Variants in CLIC5 observed in about 807,000 individuals in gnomAD.
CLIC5 encodes the protein CLIC family member 5, also known as chloride intracellular channel protein 5.
A neutral mutation model predicts 24.7 loss-of-function variants in CLIC5; 20 were observed. The observed-to-expected ratio is 0.81, with a 90% CI of 0.57 to 1.18. CLIC5 has a LOEUF of 1.18. CLIC5 is among the 50% of genes most tolerant of loss of function. CLIC5 has a pLI of 0.00. For missense variants in CLIC5, 341 were observed against 326.1 expected (o/e 1.05, Z -0.35); for synonymous variants, 159 against 135.6 (o/e 1.17, Z -1.20).
At chr6:46,001,192 T>C (rs955407914) in intron 1 of CLIC5, among the ~76,000 whole-genome samples, 3 of 152,118 alleles carry the variant, frequency 2.0e-5, no homozygotes, top group Admixed American at 6.5e-5. Context: ...GTCCATGGTT[T>C]TTCTCCAGCA....
rs150741447 is a variant in CLIC5 at position 46,011,644 on chromosome 6, G to A, written c.63+3836C>T. Among the ~76,000 whole-genome samples the A allele has an allele frequency of 1.1e-3, 163 of 152,342 alleles. 1 individual carries two copies. Among genetic ancestry groups the A allele is most frequent in the African/African-American group, 3.6e-3 (149 of 41,584 alleles). Reference sequence around the variant, plus strand: ...GTCTGTATCATTAGTCACTTCTGGGGTCCAGGGGTGAGACTGGGAGTGGAG... The same window carrying A: ...GTCTGTATCATTAGTCACTTCTGGGATCCAGGGGTGAGACTGGGAGTGGAG... On this transcript the variant is annotated intron_variant, in intron 1 of 5. Coordinates refer to ENST00000339561, the MANE Select transcript of CLIC5 (RefSeq NM_016929.5).
intron 4 of CLIC5, among the ~76,000 whole-genome samples, chr6:45,915,226 C>T (rs941466026): frequency 1.3e-5 from 2 of 151,986 alleles, no homozygotes; most frequent in South Asian, 2.1e-4. Flanking sequence ...CCATGCCTGG[C>T]CAATACTAGC....
chr6:46,075,128 T>C (rs1762731354), intron 1 of CLIC5, among the ~76,000 whole-genome samples: 1 of 152,240 alleles, frequency 6.6e-6, no homozygotes, highest in Non-Finnish European at 1.5e-5. Flanking sequence ...AAGCATTATC[T>C]TATTTAATCT....
At chr6:46,022,778 G>C (rs909155121) in intron 1 of CLIC5, among the ~76,000 whole-genome samples, 8 of 152,136 alleles carry the variant, frequency 5.3e-5, no homozygotes, top group African/African-American at 1.9e-4. Context: ...CCTTCAACCA[G>C]TGTTTTCGGG....
Position 45,986,767 on chromosome 6 carries a change from G to GCTAA in CLIC5, c.63+28712_63+28713insTTAG, listed in dbSNP as rs935882530. The stretch of plus-strand genomic sequence containing the variant: ...ATTCACTGGGTGGAGACCCTGGTAA[G>GCTAA]GATACAATCTCCCCTGCATTCCACA... On this transcript the variant is annotated intron_variant, in intron 1 of 5. Coordinates refer to ENST00000339561, the MANE Select transcript of CLIC5 (RefSeq NM_016929.5). Among the ~76,000 whole-genome samples, 3 of 113,824 alleles carry GCTAA rather than the reference G, an allele frequency of 2.6e-5. No individual in the cohort carries two copies. In the East Asian group the frequency reaches 1.3e-3, roughly 51 times the overall value. The allele number at this position is 113,824 out of a possible 152,430, so 74.7% of individuals were successfully genotyped here. A position where few individuals can be genotyped will look rare whatever the true frequency, so the allele number is the denominator to read the frequency against.
chr6:45,940,098 G>T (rs1764079333), intron 4 of CLIC5, among the ~76,000 whole-genome samples: 1 of 152,026 alleles, frequency 6.6e-6, no homozygotes, highest in Admixed American at 6.5e-5. Flanking sequence ...TCCAGTCTCT[G>T]TCCCTGACTT....
chr6:46,118,059 C>T, the CLIC5 span, among the ~76,000 whole-genome samples: 1 of 152,192 alleles, frequency 6.6e-6, no homozygotes, highest in South Asian at 2.1e-4. Flanking sequence ...ACATTTGAAG[C>T]TCCAGTGCCA....
the CLIC5 span, among the ~76,000 whole-genome samples, chr6:46,095,083 C>T: frequency 6.6e-6 from 1 of 152,204 alleles, no homozygotes; most frequent in Non-Finnish European, 1.5e-5. Context: ...CCCCTTTAAG[C>T]CACGGCTGGG....
intron 4 of CLIC5, among the ~76,000 whole-genome samples, chr6:45,922,812 A>AATGTTTATTTATCAACAG (rs1763316965): frequency 6.7e-6 from 1 of 149,128 alleles, no homozygotes; most frequent in Non-Finnish European, 1.5e-5. Flanking sequence ...GGAGGAAGAG[A>AATGTTTATTTATCAACAG]GAGAGAGAGA....
chr6:45,988,932 G>A (rs1277176312), intron 1 of CLIC5, among the ~76,000 whole-genome samples: 1 of 152,160 alleles, frequency 6.6e-6, no homozygotes, highest in Non-Finnish European at 1.5e-5. Context: ...CTAAAGGCCA[G>A]TCTCAGTCTA....
intron 6 of CLIC5, among the ~76,000 whole-genome samples, chr6:45,886,359 G>A (rs1339321079): frequency 6.6e-6 from 1 of 152,192 alleles, no homozygotes; most frequent in Admixed American, 6.5e-5. Flanking sequence ...TGCTCACCCT[G>A]AGCAGCCCCA....
At chr6:46,017,305 A>T (rs1581868068), upstream of CLIC5, among the ~76,000 whole-genome samples, 1 of 152,232 alleles carries the variant, frequency 6.6e-6, no homozygotes, top group Non-Finnish European at 1.5e-5. Flanking sequence ...TTATTAAAAA[A>T]TTTATCGCTT....
At chr6:46,083,931 A>G (rs892968334), upstream of CLIC5, among the ~76,000 whole-genome samples, 2 of 152,114 alleles carry the variant, frequency 1.3e-5, no homozygotes, top group Admixed American at 1.3e-4. Flanking sequence ...TAGGTCACTC[A>G]GGGCTTGCTT....
At chr6:45,945,919 A>C (rs1447218440) in intron 3 of CLIC5, among the ~76,000 whole-genome samples, 2 of 152,266 alleles carry the variant, frequency 1.3e-5, no homozygotes, top group Non-Finnish European at 2.9e-5. Context: ...CATGCTGTGT[A>C]AATAGACTGT....
chr6:46,061,283 G>T (rs375285159), intron 1 of CLIC5, among the ~76,000 whole-genome samples: 1 of 152,094 alleles, frequency 6.6e-6, no homozygotes, highest in Non-Finnish European at 1.5e-5. Flanking sequence ...TCTGTCTCCC[G>T]GGTTCAAGCA....
intron 1 of CLIC5, among the ~76,000 whole-genome samples, chr6:46,033,434 G>T (rs1165894905): frequency 6.6e-6 from 1 of 152,134 alleles, no homozygotes; most frequent in Non-Finnish European, 1.5e-5. Context: ...TCTTGTAATA[G>T]CTCATTTGGT....
intron 1 of CLIC5, among the ~76,000 whole-genome samples, 174 bp from the exon 2 acceptor site, chr6:45,955,418 A>G (rs567464066): frequency 3.5e-4 from 54 of 152,356 alleles, no homozygotes; most frequent in African/African-American, 1.3e-3. Flanking sequence ...ACGCAGGGCA[A>G]TGCCTGGCAG....
chr6:46,040,013 T>A (rs1009465532), intron 1 of CLIC5, among the ~76,000 whole-genome samples: 6 of 152,210 alleles, frequency 3.9e-5, no homozygotes, highest in African/African-American at 1.4e-4. Context: ...GTGTCTTTGA[T>A]TCAGGGTCCC....
chr6:45,934,305 A>G (rs1763852725), intron 4 of CLIC5: 1 of 152,146 alleles, frequency 6.6e-6, no homozygotes, highest in Non-Finnish European at 1.5e-5. Context: ...TGCTTTATGC[A>G]TCCCTGGGAG....
Sources: gnomAD v4.1 joint callset for allele counts (sites outside exome capture counted in the v4.1 genomes callset) on GRCh38, gnomAD v4.1.1 for gene constraint, MANE v1.5 for transcripts, NCBI Gene and HGNC (gene_info 2026-07-23, HGNC 2026-07-21) for gene names.